NBEA: variants seen among roughly 807,000 people sequenced by gnomAD.
The protein encoded by NBEA is lysosomal-trafficking regulator 2.
NBEA carries 44 observed loss-of-function variants against 343.4 expected under a neutral mutation model. That is an observed-to-expected ratio of 0.13 (90% CI 0.10 to 0.16). The LOEUF is 0.16. Ranked by LOEUF, NBEA falls within the 10% of genes least tolerant of loss-of-function variation. NBEA has a pLI of 1.00. For missense variants in NBEA, 2,555 were observed against 3,631.3 expected (o/e 0.70, Z 7.62); for synonymous variants, 1,175 against 1,238.7 (o/e 0.95, Z 1.08).
At chr13:35,453,910 A>C (rs2046428780) in intron 40 of NBEA, among the ~76,000 whole-genome samples, 1 of 152,204 alleles carries the variant, frequency 6.6e-6, no homozygotes, top group South Asian at 2.1e-4. Flanking sequence ...GAACAGTGAA[A>C]ATATGCTTGA....
At chr13:35,389,669 A>G (rs887848586) in intron 38 of NBEA, among the ~76,000 whole-genome samples, 2 of 152,106 alleles carry the variant, frequency 1.3e-5, no homozygotes, top group Non-Finnish European at 1.5e-5. Flanking sequence ...TCCTATTTTA[A>G]ATGGTTCCTA....
At chr13:35,311,840 G>A (rs1303267321) in intron 36 of NBEA, among the ~76,000 whole-genome samples, 1 of 152,042 alleles carries the variant, frequency 6.6e-6, no homozygotes, top group Admixed American at 6.5e-5. Flanking sequence ...GGCGATGAGA[G>A]CGAGACTTCG....
chr13:35,337,239 A>C (rs1017821094), intron 36 of NBEA, among the ~76,000 whole-genome samples: 1 of 152,108 alleles, frequency 6.6e-6, no homozygotes. Flanking sequence ...GGATTTTATA[A>C]AAAGGATTCA....
chr13:35,460,271 A>G (rs555548058), intron 40 of NBEA, among the ~76,000 whole-genome samples: 1 of 152,204 alleles, frequency 6.6e-6, no homozygotes, highest in Non-Finnish European at 1.5e-5. Context: ...TTGTTTAGTG[A>G]AAGCTATTTG....
chr13:35,391,027 C>A (rs1382315344), intron 38 of NBEA, among the ~76,000 whole-genome samples: 1 of 152,106 alleles, frequency 6.6e-6, no homozygotes, highest in Middle Eastern at 3.2e-3. Context: ...GTAATCCCAA[C>A]ACTTTGGGAG....
chr13:34,956,389 GTTTT>G (rs768937551), intron 1 of NBEA, among the ~76,000 whole-genome samples: 1 of 104,380 alleles, frequency 9.6e-6, no homozygotes, highest in Non-Finnish European at 2.1e-5. Context: ...AGTGAAAGTT[GTTTT>G]TTTTTTTTTT....
chr13:35,111,464 GAA>G (rs2066203360), intron 13 of NBEA, among the ~76,000 whole-genome samples: 1 of 151,326 alleles, frequency 6.6e-6, no homozygotes, highest in South Asian at 2.1e-4. Flanking sequence ...TAATACAGAA[GAA>G]AAAATATATT....
chr13:35,508,497 G>A (rs1460599287), intron 41 of NBEA, among the ~76,000 whole-genome samples: 3 of 152,152 alleles, frequency 2.0e-5, no homozygotes, highest in African/African-American at 7.2e-5. Flanking sequence ...CTAAACTAGA[G>A]TAGTAGCAGT....
At chr13:35,124,716 A>G (rs1029006036) in intron 17 of NBEA, among the ~76,000 whole-genome samples, 13 of 151,244 alleles carry the variant, frequency 8.6e-5, no homozygotes, top group African/African-American at 3.2e-4. Flanking sequence ...ATATGTATGG[A>G]TATATATACA....
At chr13:34,945,710 C>T (rs2059166426) in intron 1 of NBEA, among the ~76,000 whole-genome samples, 2 of 152,188 alleles carry the variant, frequency 1.3e-5, no homozygotes, top group South Asian at 4.2e-4. Flanking sequence ...CTACCTTAAA[C>T]AATACCTTTG....
intron 38 of NBEA, among the ~76,000 whole-genome samples, chr13:35,400,290 T>G (rs1354799065): frequency 6.6e-6 from 1 of 151,134 alleles, no homozygotes; most frequent in African/African-American, 2.4e-5. Flanking sequence ...ATTTGCCAGC[T>G]GGACTTGGTA....
At chr13:35,172,142 C>T (rs1034066934) in intron 26 of NBEA, among the ~76,000 whole-genome samples, 4 of 151,982 alleles carry the variant, frequency 2.6e-5, no homozygotes, top group African/African-American at 4.8e-5. Context: ...ATAGGAAGGA[C>T]GTTCCTGATA....
intron 34 of NBEA, among the ~76,000 whole-genome samples, chr13:35,244,755 TG>T (rs2152781306): frequency 6.6e-6 from 1 of 152,246 alleles, no homozygotes; most frequent in Non-Finnish European, 1.5e-5. Context: ...TGCATGAGCA[TG>T]GGATGTGTTT....
intron 18 of NBEA, among the ~76,000 whole-genome samples, chr13:35,144,234 A>G (rs1204474671): frequency 1.3e-5 from 2 of 152,184 alleles, no homozygotes; most frequent in East Asian, 1.9e-4. Context: ...TGGGGCTGCT[A>G]CCTTTATGAA....
chr13:35,596,815 A>G (rs1303401589), intron 47 of NBEA, among the ~76,000 whole-genome samples: 3 of 152,020 alleles, frequency 2.0e-5, no homozygotes, highest in East Asian at 1.9e-4. Context: ...GTAAATTAAT[A>G]CAGTTAATGG....
intron 1 of NBEA, among the ~76,000 whole-genome samples, chr13:34,968,385 A>G (rs1166439988): frequency 2.0e-5 from 3 of 152,044 alleles, no homozygotes; most frequent in South Asian, 2.1e-4. Flanking sequence ...GAAACTATCT[A>G]AGGGCCCCAA....
chr13:35,370,170 T>A (rs1445139343), intron 38 of NBEA, among the ~76,000 whole-genome samples: 1 of 151,968 alleles, frequency 6.6e-6, no homozygotes, highest in Non-Finnish European at 1.5e-5. Context: ...ATCGCTCCCT[T>A]TAGATAGAAT....
intron 49 of NBEA, among the ~76,000 whole-genome samples, chr13:35,636,433 A>G (rs2083693842): frequency 6.6e-6 from 1 of 152,218 alleles, no homozygotes; most frequent in African/African-American, 2.4e-5. Context: ...CTAAAAGTAT[A>G]TGATTTCAAT....
chr13:35,066,345 C>A (rs1178108036), intron 8 of NBEA, among the ~76,000 whole-genome samples: 9 of 152,026 alleles, frequency 5.9e-5, no homozygotes, highest in Non-Finnish European at 1.0e-4. Context: ...GGTTTTTGTT[C>A]AAATCTTCAG....
Sources: allele counts gnomAD v4.1 joint callset (sites outside exome capture counted in the v4.1 genomes callset), GRCh38; gene constraint gnomAD v4.1.1; transcripts MANE v1.5; gene names NCBI Gene and HGNC (gene_info 2026-07-23, HGNC 2026-07-21).